Variants in THSD7A observed in about 807,000 individuals in gnomAD.
THSD7A encodes the protein thrombospondin type-1 domain-containing protein 7A.
In THSD7A, 96 loss-of-function variants were observed where a neutral mutation model predicts 231.3. That is an observed-to-expected ratio of 0.41 (90% CI 0.35 to 0.49). The LOEUF (loss-of-function observed/expected upper bound fraction) is 0.49. Ranked by LOEUF, THSD7A falls within the 20% of genes least tolerant of loss-of-function variation. The pLI, the probability that THSD7A is intolerant of heterozygous loss-of-function variation, is 0.05. For missense variants in THSD7A, 2,290 were observed against 2,070.2 expected (o/e 1.11, Z -2.06); for synonymous variants, 940 against 743.3 (o/e 1.26, Z -4.30).
chr7:11,418,225 C>T (rs1784025879), intron 16 of THSD7A, among the ~76,000 whole-genome samples: 1 of 152,128 alleles, frequency 6.6e-6, no homozygotes, highest in South Asian at 2.1e-4. Flanking sequence ...AGTGAAAAGA[C>T]AATTATAATT....
rs73677714 is a variant in THSD7A at position 11,473,214 on chromosome 7, G to A, written c.2252+1120C>T. On this transcript the variant is annotated intron_variant, in intron 8 of 27. Transcript: ENST00000423059. ...TGGCCAGACACAAACATCTCATAATGGGATTCATATTTGTTTCCCTGGAGT... is the reference window on the plus strand; with the variant it reads ...TGGCCAGACACAAACATCTCATAATAGGATTCATATTTGTTTCCCTGGAGT... 1.6e-3 allele frequency among the ~76,000 whole-genome samples: 246 copies of A among 152,126 alleles called. 1 individual carries two copies. Among genetic ancestry groups the A allele is most frequent in the African/African-American group, 5.6e-3 (232 of 41,512 alleles).
intron 1 of THSD7A, among the ~76,000 whole-genome samples, chr7:11,783,070 G>C (rs917082587): frequency 1.3e-5 from 2 of 152,030 alleles, no homozygotes; most frequent in South Asian, 2.1e-4. Context: ...AGAAGGAGAG[G>C]CATACTCAAA....
At chr7:11,378,075 T>C (rs953034848) in intron 26 of THSD7A, 1 of 152,114 alleles carries the variant, frequency 6.6e-6, no homozygotes, top group African/African-American at 2.4e-5. Flanking sequence ...TAAAAGCAAA[T>C]CACCCAAACA....
At chr7:11,624,444 T>A (rs923230629) in intron 2 of THSD7A, among the ~76,000 whole-genome samples, 7 of 152,136 alleles carry the variant, frequency 4.6e-5, no homozygotes, top group Admixed American at 1.3e-4. Flanking sequence ...CATACCAGCA[T>A]CTTGACTGCC....
chr7:11,729,407 A>G (rs1781651702), intron 1 of THSD7A, among the ~76,000 whole-genome samples: 1 of 151,738 alleles, frequency 6.6e-6, no homozygotes, highest in Non-Finnish European at 1.5e-5. Context: ...ACCGCAAATA[A>G]CATTCACTCA....
At chr7:11,611,946 A>C (rs986310130) in intron 2 of THSD7A, among the ~76,000 whole-genome samples, 2 of 152,044 alleles carry the variant, frequency 1.3e-5, no homozygotes, top group Non-Finnish European at 2.9e-5. Flanking sequence ...ATATCAAGTA[A>C]TAGTCCAAAC....
At chr7:11,687,518 TAGA>T (rs1229794804) in intron 1 of THSD7A, among the ~76,000 whole-genome samples, 3 of 151,894 alleles carry the variant, frequency 2.0e-5, no homozygotes, top group Non-Finnish European at 4.4e-5. Context: ...TTCTTCTCAG[TAGA>T]AGACTGAAGA....
chr7:11,493,258 T>C (rs1053630934), intron 6 of THSD7A, among the ~76,000 whole-genome samples: 4 of 152,090 alleles, frequency 2.6e-5, no homozygotes, highest in Non-Finnish European at 5.9e-5. Flanking sequence ...AAAATGTTCA[T>C]ATCTGACCTG....
intron 26 of THSD7A, 93 bp from the exon 27 acceptor site, chr7:11,376,750 A>C (rs1782290809): frequency 2.4e-6 from 2 of 850,042 alleles, no homozygotes; most frequent in Non-Finnish European, 3.5e-6. Context: ...ATATATGACC[A>C]ATTTCTTTCA....
intron 6 of THSD7A, among the ~76,000 whole-genome samples, chr7:11,484,874 A>ATTTTTTTTTT (rs56353626): frequency 0.026 from 1,419 of 53,872 alleles, 265 homozygotes; most frequent in Middle Eastern, 0.056. Context: ...CACAACCTTA[A>ATTTTTTTTTT]TTTTTTTTTT....
In THSD7A at chr7:11,674,951, G is replaced by A. The variant is rs112000000; in HGVS notation, c.191-37990C>T. Among the ~76,000 whole-genome samples, 1,243 of 152,256 alleles carry A rather than the reference G, an allele frequency of 8.2e-3. 13 individuals are homozygous for A. Among genetic ancestry groups the A allele is most frequent in the African/African-American group, 0.028 (1,182 of 41,556 alleles). On this transcript the variant is annotated intron_variant, in intron 1 of 27. Coordinates refer to ENST00000423059, the MANE Select transcript of THSD7A (RefSeq NM_015204.3). ...ACAATTTGAAAGATGACATAGCTAT[G>A]TTAAGAAAGAACCAGATTCCTAGAC... is the stretch of plus-strand genomic sequence containing the variant.
rs1239762226 is a variant in THSD7A, at chr7:11,632,737, A to T, written c.1022+3393T>A. ...GTCTCTTCACCTATCTCTCTCCATA[A>T]AAGTTGATCTATATTAGTTCTCCCA... On this transcript the variant is annotated intron_variant, in intron 2 of 27. Transcript: ENST00000423059. This position sits in a 1 kb window ranked among gnomAD's most constrained non-coding sequence, Gnocchi z 4.1. Among the ~76,000 whole-genome samples the T allele has an allele frequency of 1.3e-5, 2 of 152,144 alleles. No homozygotes were observed. Among genetic ancestry groups the T allele is most frequent in the African/African-American group, 4.8e-5 (2 of 41,430 alleles).
At chr7:11,697,138 T>G (rs1780428937) in intron 1 of THSD7A, among the ~76,000 whole-genome samples, 1 of 151,506 alleles carries the variant, frequency 6.6e-6, no homozygotes, top group African/African-American at 2.4e-5. Flanking sequence ...GTAAATATTA[T>G]AATTCTCATT....
At chr7:11,569,247 C>T (rs1324112619) in intron 4 of THSD7A, among the ~76,000 whole-genome samples, 1 of 152,076 alleles carries the variant, frequency 6.6e-6, no homozygotes, top group African/African-American at 2.4e-5. Context: ...AAGAGACAAC[C>T]TCTGATATGG....
chr7:11,545,526 G>C (rs1276719949), intron 4 of THSD7A, among the ~76,000 whole-genome samples: 2 of 152,138 alleles, frequency 1.3e-5, no homozygotes, highest in African/African-American at 4.8e-5. Flanking sequence ...GGATGGCATT[G>C]AAGGTGGACA....
At chr7:11,745,128 C>T (rs938737360) in intron 1 of THSD7A, among the ~76,000 whole-genome samples, 6 of 151,974 alleles carry the variant, frequency 3.9e-5, no homozygotes, top group Non-Finnish European at 8.8e-5. Flanking sequence ...TTTTAATAAT[C>T]GCCACTCTAA....
At chr7:11,605,279 T>A (rs1022204487) in intron 2 of THSD7A, among the ~76,000 whole-genome samples, 2 of 152,100 alleles carry the variant, frequency 1.3e-5, no homozygotes, top group African/African-American at 2.4e-5. Flanking sequence ...AAAAAACAAA[T>A]GATGGTTGCA....
At position 11,782,611 on chromosome 7, in the gene THSD7A, C is replaced by T. The variant is rs185067036; in HGVS notation, c.190+49146G>A. Among the ~76,000 whole-genome samples the T allele has an allele frequency of 5.1e-4, 78 of 152,168 alleles. 1 individual carries two copies. Among genetic ancestry groups the T allele is most frequent in the Non-Finnish European group, 9.4e-4 (64 of 67,974 alleles). ...GAACAGTGATCATCACCGAAATTAA[C>T]CAAAGGTCTTAAATAAATTGAGGCC... On this transcript the variant is annotated intron_variant, in intron 1 of 27. Transcript: ENST00000423059.
intron 2 of THSD7A, among the ~76,000 whole-genome samples, chr7:11,613,272 G>A (rs147626635): frequency 1.3e-5 from 2 of 152,300 alleles, no homozygotes; most frequent in East Asian, 1.9e-4. Flanking sequence ...GAACTCTCTG[G>A]ATTTTAGAGA....
Sources: allele counts gnomAD v4.1 joint callset (sites outside exome capture counted in the v4.1 genomes callset), GRCh38; gene constraint gnomAD v4.1.1; non-coding constraint Gnocchi (gnomAD v3.1); transcripts MANE v1.5; gene names NCBI Gene and HGNC (gene_info 2026-07-23, HGNC 2026-07-21).